Variants in ARHGAP28 observed in about 807,000 individuals in gnomAD.
ARHGAP28 encodes the protein rho GTPase-activating protein 28.
A neutral mutation model predicts 90.7 loss-of-function variants in ARHGAP28; 56 were observed. That is an observed-to-expected ratio of 0.62 (90% CI 0.50 to 0.77). The LOEUF is 0.77. ARHGAP28 is among the 30% of genes least tolerant of loss of function. ARHGAP28 has a pLI of 0.00. For synonymous variants in ARHGAP28, 308 were observed against 323.3 expected (o/e 0.95, Z 0.51); for missense variants, 869 against 900.9 (o/e 0.96, Z 0.45).
intron 1 of ARHGAP28, among the ~76,000 whole-genome samples, chr18:6,744,880 A>C (rs572428264): frequency 6.6e-6 from 1 of 152,204 alleles, no homozygotes; most frequent in African/African-American, 2.4e-5. Context: ...AGTTAAAGAG[A>C]GTATTCACGA....
chr18:6,753,573 C>T (rs1020345660), intron 1 of ARHGAP28, among the ~76,000 whole-genome samples: 2 of 152,142 alleles, frequency 1.3e-5, no homozygotes, highest in African/African-American at 4.8e-5. Context: ...TATAACCTCA[C>T]ATAGTGTGAA....
intron 1 of ARHGAP28, among the ~76,000 whole-genome samples, chr18:6,788,214 T>A (rs1600184693): frequency 6.9e-6 from 1 of 145,340 alleles, no homozygotes; most frequent in African/African-American, 2.4e-5. Flanking sequence ...GAGATCTGGT[T>A]GTTCAAAAGT....
chr18:6,847,630 G>GTGTGTGTGT (rs113144982), intron 3 of ARHGAP28, among the ~76,000 whole-genome samples: 6 of 150,298 alleles, frequency 4.0e-5, no homozygotes, highest in African/African-American at 1.2e-4. Context: ...AGAGAGTGGG[G>GTGTGTGTGT]GTGTGTGTGT....
intron 16 of ARHGAP28, among the ~76,000 whole-genome samples, chr18:6,899,664 G>T (rs1451542283): frequency 6.6e-6 from 1 of 152,174 alleles, no homozygotes; most frequent in Non-Finnish European, 1.5e-5. Context: ...TGTCTGCAGG[G>T]TCCTGCAGTG....
chr18:6,858,591 T>G lies in ARHGAP28; in HGVS notation c.637-1217T>G, dbSNP rs1427503652. 1.1e-4 allele frequency among the ~76,000 whole-genome samples: 17 copies of G among 152,184 alleles called. No homozygotes were observed. In the South Asian group the frequency reaches 2.3e-3, roughly 20 times the overall value. ...AGAGTTTTGCTCTTGTCGCCCAGTT[T>G]GGAGCGCAATGGCACAATCTTGGCT... On this transcript the variant is annotated intron_variant, in intron 4 of 17. Transcript: ENST00000383472.
intron 17 of ARHGAP28, 142 bp from the exon 18 acceptor site, chr18:6,911,918 C>T: frequency 2.3e-6 from 1 of 431,734 alleles, no homozygotes. Context: ...TGTTAAGAAA[C>T]CTTAACATAT....
chr18:6,848,584 G>A (rs2056884093), intron 3 of ARHGAP28, among the ~76,000 whole-genome samples: 1 of 152,192 alleles, frequency 6.6e-6, no homozygotes, highest in African/African-American at 2.4e-5. Context: ...CAGTTATCAG[G>A]TAAGGTAACA....
Position 6,890,024 on chromosome 18 carries a change from T to G in ARHGAP28, c.1673T>G (p.Leu558Ter), listed in dbSNP as rs1191015194. The change falls in exon 13 of 18, where the codon TTA becomes TGA. Residue 558 changes from leucine (L) to a stop codon, truncating the protein, a stop_gained. Coordinates refer to ENST00000383472, the MANE Select transcript of ARHGAP28 (RefSeq NM_001366230.1). LOFTEE classifies it high-confidence loss of function. ...SKHSDYEELL[L>*]ANTAAHIIRL... ...CACTCTGATTATGAAGAATTACTGTTAGCAAACACTGCGGCCCACATCATC... is the reference window on the plus strand; with the variant it reads ...CACTCTGATTATGAAGAATTACTGTGAGCAAACACTGCGGCCCACATCATC... 4 of 1,614,206 alleles carry G rather than the reference T, an allele frequency of 2.5e-6. No homozygotes were observed. Among genetic ancestry groups the G allele is most frequent in the Non-Finnish European group, 3.4e-6 (4 of 1,180,032 alleles).
In ARHGAP28 at chr18:6,729,839, G is replaced by C. The variant is rs1490955289; in HGVS notation, c.18G>C (p.Ser6=). Residue 6 remains serine (S), a synonymous_variant, in exon 1 of 18, where the codon TCG becomes TCC. Coordinates refer to ENST00000383472, the MANE Select transcript of ARHGAP28 (RefSeq NM_001366230.1). The part of the protein sequence containing the change: MEVED[S]GGVVLTAYHS... ...GGCTGACGATGGAGGTGGAGGACTC[G>C]GGCGGCGTGGTGCTGACCGCCTACC... The C allele has an allele frequency of 2.1e-6, 3 of 1,422,580 alleles. No individual in the cohort carries two copies. The highest frequency in any genetic ancestry group is 1.5e-5 in the African/African-American group (1 of 67,408). 88.1% of individuals were successfully genotyped at this position (1,422,580 alleles called of 1,614,324 possible). A position where few individuals can be genotyped will look rare whatever the true frequency, so the allele number is the denominator to read the frequency against.
intron 17 of ARHGAP28, among the ~76,000 whole-genome samples, chr18:6,909,930 G>A (rs1567991252): frequency 6.6e-6 from 1 of 151,960 alleles, no homozygotes; most frequent in Non-Finnish European, 1.5e-5. Flanking sequence ...TTAAAAATTG[G>A]CAATTTCCCT....
At chr18:6,851,204 A>G in intron 4 of ARHGAP28, 78 bp downstream of exon 4, 1 of 1,278,702 alleles carries the variant, frequency 7.8e-7, no homozygotes, top group Non-Finnish European at 1.1e-6. Context: ...AAACTTGAAA[A>G]AAGTGCAACA....
At chr18:6,809,704 T>G (rs2056543048) in intron 1 of ARHGAP28, among the ~76,000 whole-genome samples, 1 of 152,112 alleles carries the variant, frequency 6.6e-6, no homozygotes. Flanking sequence ...TTAGGGGTGC[T>G]AAACCATTAG....
intron 1 of ARHGAP28, among the ~76,000 whole-genome samples, chr18:6,751,168 AACTG>A (rs935455982): frequency 7.9e-5 from 12 of 152,186 alleles, no homozygotes; most frequent in African/African-American, 2.9e-4. Context: ...AAAACAAAAT[AACTG>A]ACTGCTTAAA....
intron 16 of ARHGAP28, among the ~76,000 whole-genome samples, chr18:6,900,057 C>T (rs2057330343): frequency 6.6e-6 from 1 of 152,030 alleles, no homozygotes; most frequent in African/African-American, 2.4e-5. Context: ...GGCAGCAGAG[C>T]CCAGGAGGGA....
intron 11 of ARHGAP28, among the ~76,000 whole-genome samples, chr18:6,885,737 G>T (rs1459274082): frequency 6.6e-6 from 1 of 150,910 alleles, no homozygotes; most frequent in Admixed American, 6.6e-5. Context: ...TTTCTCTGAA[G>T]TTAATGGAAA....
chr18:6,803,402 T>C (rs1360149007), intron 1 of ARHGAP28, among the ~76,000 whole-genome samples: 1 of 152,196 alleles, frequency 6.6e-6, no homozygotes, highest in Non-Finnish European at 1.5e-5. Context: ...TTTCAAACGT[T>C]AAATCATCCT....
chr18:6,755,362 T>G (rs1010868643), intron 1 of ARHGAP28, among the ~76,000 whole-genome samples: 1 of 152,042 alleles, frequency 6.6e-6, no homozygotes, highest in Non-Finnish European at 1.5e-5. Context: ...TTAGGGTGGT[T>G]ATAATAGACT....
intron 1 of ARHGAP28, among the ~76,000 whole-genome samples, chr18:6,782,780 A>G (rs2056336113): frequency 6.6e-6 from 1 of 151,446 alleles, no homozygotes; most frequent in African/African-American, 2.4e-5. Context: ...TATTTTATAT[A>G]CAATTATATA....
intron 1 of ARHGAP28, among the ~76,000 whole-genome samples, chr18:6,762,786 C>G (rs2056172110): frequency 6.6e-6 from 1 of 151,858 alleles, no homozygotes; most frequent in Admixed American, 6.6e-5. Flanking sequence ...CAGGAGAAAC[C>G]AACGCTGTCA....
Sources: gnomAD v4.1 joint callset for allele counts (sites outside exome capture counted in the v4.1 genomes callset) on GRCh38, gnomAD v4.1.1 for gene constraint, MANE v1.5 for transcripts, NCBI Gene and HGNC (gene_info 2026-07-23, HGNC 2026-07-21) for gene names.